CSNK2A2IP: variants seen among roughly 807,000 people sequenced by gnomAD.
CSNK2A2IP encodes casein kinase 2 subunit alpha' interacting protein.
At chr3:88,418,463 T>TGTGTGTGTGTGTGTGCGCGCGC in the CSNK2A2IP span, among the ~76,000 whole-genome samples, 8 of 149,632 alleles carry the variant, frequency 5.3e-5, no homozygotes, top group African/African-American at 1.7e-4. Context: ...TGTGTGTGTG[T>TGTGTGTGTGTGTGTGCGCGCGC]GCGCGCGGGC....
the CSNK2A2IP span, among the ~76,000 whole-genome samples, chr3:88,453,727 T>C: frequency 6.6e-6 from 1 of 152,072 alleles, no homozygotes; most frequent in Non-Finnish European, 1.5e-5. Flanking sequence ...CAGCTTTATG[T>C]CTATTGATTT....
the CSNK2A2IP span, among the ~76,000 whole-genome samples, chr3:88,414,008 C>T: frequency 1.3e-5 from 2 of 151,530 alleles, no homozygotes; most frequent in Admixed American, 1.3e-4. Context: ...AAATATTTAA[C>T]ACTGATAATC....
chr3:88,375,347 G>T, the CSNK2A2IP span, among the ~76,000 whole-genome samples: 1 of 151,782 alleles, frequency 6.6e-6, no homozygotes, highest in African/African-American at 2.4e-5. Context: ...CTATCCTGTT[G>T]TTGGGTGAAC....
the CSNK2A2IP span, among the ~76,000 whole-genome samples, chr3:88,423,254 T>C: frequency 6.6e-6 from 1 of 152,222 alleles, no homozygotes; most frequent in Non-Finnish European, 1.5e-5. Context: ...GATAATGTAA[T>C]ATTCACAGGA....
chr3:88,360,507 T>C, the CSNK2A2IP span, among the ~76,000 whole-genome samples: 1 of 152,192 alleles, frequency 6.6e-6, no homozygotes, highest in East Asian at 1.9e-4. Context: ...GGTTTTCATT[T>C]GCATAGAACA....
the CSNK2A2IP span, among the ~76,000 whole-genome samples, chr3:88,378,273 C>A: frequency 6.6e-6 from 1 of 151,872 alleles, no homozygotes; most frequent in African/African-American, 2.4e-5. Flanking sequence ...ATATACTTCA[C>A]TCCTTCTGGA....
chr3:88,449,870 T>TAGAGAGAGAGAGAGAGAGAGAGAG, the CSNK2A2IP span, among the ~76,000 whole-genome samples: 14 of 81,780 alleles, frequency 1.7e-4, no homozygotes, highest in Non-Finnish European at 3.7e-4. Flanking sequence ...TATATATATA[T>TAGAGAGAGAGAGAGAGAGAGAGAG]ATATAGAGAG....
chr3:88,440,443 G>T, the CSNK2A2IP span, among the ~76,000 whole-genome samples: 9 of 152,110 alleles, frequency 5.9e-5, no homozygotes, highest in East Asian at 1.9e-4. Flanking sequence ...GGCTTTGGAA[G>T]TGTCTAGAAC....
chr3:88,346,598 T>A, the CSNK2A2IP span, among the ~76,000 whole-genome samples: 1 of 152,000 alleles, frequency 6.6e-6, no homozygotes, highest in Non-Finnish European at 1.5e-5. Context: ...ATGACAGCAA[T>A]CTGTTTACAG....
At chr3:88,371,373 T>C in the CSNK2A2IP span, among the ~76,000 whole-genome samples, 2 of 151,656 alleles carry the variant, frequency 1.3e-5, no homozygotes, top group Non-Finnish European at 3.0e-5. Flanking sequence ...AACTAAAATA[T>C]AACCAAATGG....
chr3:88,378,943 A>G, the CSNK2A2IP span, among the ~76,000 whole-genome samples: 2 of 152,068 alleles, frequency 1.3e-5, no homozygotes, highest in Non-Finnish European at 2.9e-5. Flanking sequence ...ATAATAACAA[A>G]CATAAAATAA....
At chr3:88,391,809 T>A in the CSNK2A2IP span, among the ~76,000 whole-genome samples, 1 of 152,182 alleles carries the variant, frequency 6.6e-6, no homozygotes, top group Admixed American at 6.5e-5. Flanking sequence ...GTAAGCCTTG[T>A]TGGAGATCAT....
At chr3:88,355,052 C>A in the CSNK2A2IP span, among the ~76,000 whole-genome samples, 1 of 152,128 alleles carries the variant, frequency 6.6e-6, no homozygotes, top group Non-Finnish European at 1.5e-5. Flanking sequence ...AGGGCATGAT[C>A]AACCCTGTGA....
chr3:88,465,309 C>T, the CSNK2A2IP span: 7 of 1,134,588 alleles, frequency 6.2e-6, no homozygotes, highest in Non-Finnish European at 7.8e-6. Context: ...GTTACTAAAT[C>T]ATCCCCACAA....
the CSNK2A2IP span, among the ~76,000 whole-genome samples, chr3:88,356,928 C>T: frequency 6.6e-6 from 1 of 152,002 alleles, no homozygotes; most frequent in Non-Finnish European, 1.5e-5. Context: ...GTATTTTATT[C>T]ATTTTTCAAT....
chr3:88,375,623 G>C, the CSNK2A2IP span, among the ~76,000 whole-genome samples: 1 of 151,660 alleles, frequency 6.6e-6, no homozygotes, highest in Non-Finnish European at 1.5e-5. Context: ...TAACTCTATA[G>C]CCCAGAAAGG....
At chr3:88,371,587 G>A in the CSNK2A2IP span, among the ~76,000 whole-genome samples, 5 of 151,616 alleles carry the variant, frequency 3.3e-5, no homozygotes, top group Non-Finnish European at 5.9e-5. Context: ...CAACACATGC[G>A]TAATTGGAGT....
At chr3:88,411,264 T>C in the CSNK2A2IP span, among the ~76,000 whole-genome samples, 1 of 152,020 alleles carries the variant, frequency 6.6e-6, no homozygotes, top group East Asian at 1.9e-4. Context: ...ATGGAGGCCA[T>C]CTTGTTTCTT....
chr3:88,454,352 A>C, the CSNK2A2IP span, among the ~76,000 whole-genome samples: 3 of 151,842 alleles, frequency 2.0e-5, no homozygotes, highest in Non-Finnish European at 4.4e-5. Flanking sequence ...CTTTGCAAAT[A>C]TTACTCTATT....
Sources: gnomAD v4.1 joint callset for allele counts (sites outside exome capture counted in the v4.1 genomes callset) on GRCh38, gnomAD v4.1.1 for gene constraint, MANE v1.5 for transcripts, NCBI Gene and HGNC (gene_info 2026-07-23, HGNC 2026-07-21) for gene names.